The following DPH5 variants were observed in gnomAD, a reference collection of about 807,000 sequenced individuals.
DPH5 encodes diphthamide biosynthesis 5.
In DPH5, 31 loss-of-function variants were observed where a neutral mutation model predicts 31.6. The ratio of observed to expected loss-of-function variants is 0.98; its 90% CI spans 0.74 to 1.32. The LOEUF is 1.32. DPH5 is among the 40% of genes most tolerant of loss of function. The pLI, the probability that DPH5 is intolerant of heterozygous loss-of-function variation, is 0.00. For missense variants in DPH5, 309 were observed against 335.7 expected (o/e 0.92, Z 0.62); for synonymous variants, 120 against 115.0 (o/e 1.04, Z -0.28).
In DPH5 at chr1:100,990,104, T is replaced by C. The variant is rs1032508184; in HGVS notation, c.*304A>G. 1 of 363,688 alleles carries C rather than the reference T, an allele frequency of 2.7e-6. No homozygotes were observed. The highest frequency in any genetic ancestry group is 5.1e-6 in the Non-Finnish European group (1 of 196,760). The allele number at this position is 363,688 out of a possible 1,614,324, so 22.5% of individuals were successfully genotyped here. On this transcript the variant is annotated 3_prime_UTR_variant, in exon 8 of 8. Coordinates refer to ENST00000370109, the MANE Select transcript of DPH5 (RefSeq NM_015958.3). ...TTAATTTTCGACTCACAGTTCCACA[T>C]GGCTGGGAAGGCCTCAGGAAACTTA...
intron 2 of DPH5, 90 bp downstream of exon 2, chr1:101,025,219 C>G: frequency 1.3e-6 from 2 of 1,512,474 alleles, no homozygotes; most frequent in Non-Finnish European, 1.8e-6. Context: ...TTTAAACAAG[C>G]AGACCTGAAA....
At chr1:100,997,559 G>T (rs1358425990) in intron 5 of DPH5, among the ~76,000 whole-genome samples, 1 of 152,032 alleles carries the variant, frequency 6.6e-6, no homozygotes, top group Admixed American at 6.6e-5. Flanking sequence ...TAGAGATGGG[G>T]TTTCACCGTG....
chr1:101,002,941 T>C (rs1028205857), intron 4 of DPH5, among the ~76,000 whole-genome samples: 1 of 152,118 alleles, frequency 6.6e-6, no homozygotes, highest in Non-Finnish European at 1.5e-5. Context: ...CATAATGAGG[T>C]CCTATAAACT....
intron 6 of DPH5, among the ~76,000 whole-genome samples, chr1:100,994,295 A>G (rs1349547690): frequency 6.6e-6 from 1 of 152,196 alleles, no homozygotes; most frequent in Non-Finnish European, 1.5e-5. Flanking sequence ...AAGTTTTCCA[A>G]TAACAGAGTA....
intron 3 of DPH5, among the ~76,000 whole-genome samples, chr1:101,020,969 TC>T (rs1368183204): frequency 6.6e-6 from 1 of 152,220 alleles, no homozygotes; most frequent in African/African-American, 2.4e-5. Flanking sequence ...AAATTCCTAG[TC>T]CCCTCCAAGG....
At chr1:100,993,559 A>ATATATATATATATATATAT (rs1657999167) in intron 6 of DPH5, among the ~76,000 whole-genome samples, 1 of 56,546 alleles carries the variant, frequency 1.8e-5, no homozygotes, top group Non-Finnish European at 3.4e-5. Flanking sequence ...CGAAAATATA[A>ATATATATATATATATATAT]ATATATATAT....
intron 5 of DPH5, among the ~76,000 whole-genome samples, chr1:100,998,331 C>T (rs1658552473): frequency 6.6e-6 from 1 of 151,814 alleles, no homozygotes; most frequent in Admixed American, 6.6e-5. Flanking sequence ...GTTAACATGG[C>T]AAAACCCCAT....
intron 7 of DPH5, among the ~76,000 whole-genome samples, chr1:100,992,265 T>A (rs913916324): frequency 6.6e-6 from 1 of 152,076 alleles, no homozygotes; most frequent in African/African-American, 2.4e-5. Flanking sequence ...GGAGGGAGAA[T>A]AAAAGAACGA....
chr1:100,992,856 G>GT (rs1657900850), intron 6 of DPH5, 116 bp from the exon 7 acceptor site: 5 of 619,770 alleles, frequency 8.1e-6, no homozygotes, highest in Admixed American at 2.6e-5. Flanking sequence ...TCTGTTTGAT[G>GT]TTTTTTTACA....
chr1:101,025,459 AAG>A lies in DPH5; in HGVS notation c.-18_-17del, dbSNP rs761442725. ...GATAAAGCATTTCAAACTTGAGGAGAAGAGAGACTGCAAGACGAAGTGGACAG... is the reference window on the plus strand; with the variant it reads ...GATAAAGCATTTCAAACTTGAGGAGAAGAGACTGCAAGACGAAGTGGACAG... On this transcript the variant is annotated 5_prime_UTR_variant, in exon 2 of 8. Coordinates refer to ENST00000370109, the MANE Select transcript of DPH5 (RefSeq NM_015958.3). 8.1e-6 allele frequency: 13 copies of A among 1,613,738 alleles called. No homozygotes were observed. The highest frequency in any genetic ancestry group is 1.7e-4 in the Middle Eastern group (1 of 6,056).
intron 4 of DPH5, among the ~76,000 whole-genome samples, chr1:101,004,502 T>G (rs944155157): frequency 4.6e-5 from 7 of 152,288 alleles, no homozygotes; most frequent in African/African-American, 1.7e-4. Context: ...AACACAGGCC[T>G]TTTTAAATTT....
In DPH5 at chr1:101,001,601, CATTA is replaced by C. The variant is rs760065494; in HGVS notation, c.370-18_370-15del. 5.3e-6 allele frequency: 8 copies of C among 1,504,034 alleles called. No individual in the cohort carries two copies. In the African/African-American group the frequency reaches 9.8e-5, roughly 18 times the overall value. The allele number at this position is 1,504,034 out of a possible 1,614,324, so 93.2% of individuals were successfully genotyped here. A position where few individuals can be genotyped will look rare whatever the true frequency, so the allele number is the denominator to read the frequency against. On this transcript the variant is annotated splice_polypyrimidine_tract_variant and intron_variant, in intron 4 of 7. Coordinates refer to ENST00000370109, the MANE Select transcript of DPH5 (RefSeq NM_015958.3). Reference sequence around the variant, plus strand: ...AAACTTATATAACTAGAAAAAAAAACATTAATTAATGATGGAACAATTAACTACT... The same window carrying C: ...AAACTTATATAACTAGAAAAAAAAACATTAATGATGGAACAATTAACTACT...
At chr1:101,009,110 TGACTTTAAC>T (rs2101222971) in intron 4 of DPH5, among the ~76,000 whole-genome samples, 1 of 152,316 alleles carries the variant, frequency 6.6e-6, no homozygotes, top group Non-Finnish European at 1.5e-5. Flanking sequence ...ACCTACCCCA[TGACTTTAAC>T]TCTTCCCAAG....
intron 3 of DPH5, among the ~76,000 whole-genome samples, chr1:101,015,183 C>A (rs999584847): frequency 6.6e-6 from 1 of 152,288 alleles, no homozygotes. Context: ...TGCCCAGACT[C>A]ATCAGAGAAA....
chr1:101,015,992 T>C (rs1051914803), intron 3 of DPH5, among the ~76,000 whole-genome samples: 1 of 152,156 alleles, frequency 6.6e-6, no homozygotes, highest in African/African-American at 2.4e-5. Context: ...GTTCTCCCTA[T>C]CAGCAATAAG....
In DPH5 at chr1:100,990,449, G is replaced by A. The variant is rs749204630; in HGVS notation, c.817C>T (p.Pro273Ser). 6.2e-7 allele frequency: 1 copy of A among 1,614,000 alleles called. No individual in the cohort carries two copies. Among genetic ancestry groups the A allele is most frequent in the Non-Finnish European group, 8.5e-7 (1 of 1,179,956 alleles). The change falls in exon 8 of 8, where the codon CCA becomes TCA. Residue 273 changes from proline (P) to serine (S), a missense_variant. Transcript: ENST00000370109. ...EMEMLSLFSI[P>S]ENSSESQSIN... ...CTTTGAGATTCTGAGCTATTTTCTG[G>A]TATGGAAAACAGACTTAGCATCTCC... is the stretch of plus-strand genomic sequence containing the variant.
chr1:101,020,397 C>T (rs967993134), intron 3 of DPH5, among the ~76,000 whole-genome samples: 55 of 152,196 alleles, frequency 3.6e-4, no homozygotes, highest in African/African-American at 1.1e-3. Context: ...TTCCTGGCTT[C>T]TGTGACAACA....
intron 4 of DPH5, chr1:101,011,456 T>C (rs1393859667): frequency 1.3e-5 from 2 of 153,274 alleles, no homozygotes; most frequent in Non-Finnish European, 2.9e-5. Context: ...CCATACACAA[T>C]TGTGAGAAAG....
At chr1:101,020,892 A>C (rs1487621897) in intron 3 of DPH5, among the ~76,000 whole-genome samples, 1 of 152,166 alleles carries the variant, frequency 6.6e-6, no homozygotes, top group Non-Finnish European at 1.5e-5. Flanking sequence ...GTGACCTTTT[A>C]ATGCTAATCA....
Sources: gnomAD v4.1 joint callset for allele counts (sites outside exome capture counted in the v4.1 genomes callset) on GRCh38, gnomAD v4.1.1 for gene constraint, MANE v1.5 for transcripts, NCBI Gene and HGNC (gene_info 2026-07-23, HGNC 2026-07-21) for gene names.